The following NFATC2 variants were observed in gnomAD, a reference collection of about 807,000 sequenced individuals.
The protein encoded by NFATC2 is nuclear factor of activated T-cells, cytoplasmic 2.
In NFATC2, 22 loss-of-function variants were observed where a neutral mutation model predicts 87.3. That is an observed-to-expected ratio of 0.25 (90% CI 0.18 to 0.36). NFATC2 has a LOEUF of 0.36. Among genes scored for constraint, NFATC2 ranks in the 10% least tolerant of loss-of-function variants. The probability of loss-of-function intolerance (pLI) is 1.00; values close to 1 mark genes in which losing one functional copy is unlikely to be tolerated. For missense variants in NFATC2, 1,149 were observed against 1,259.1 expected (o/e 0.91, Z 1.32); for synonymous variants, 565 against 542.2 (o/e 1.04, Z -0.58).
At position 51,389,698 on chromosome 20, in the gene NFATC2, CCGAAT is replaced by C. The variant is rs1161086846; in HGVS notation, c.*1793_*1797del. On this transcript the variant is annotated 3_prime_UTR_variant, in exon 11 of 11. Transcript: ENST00000371564. ...ACAGGTTGCATACAAGTGCACAGGC[CCGAAT>C]CTGAGCATTTTGCCTTCTATCTGGA... The C allele has an allele frequency of 6.6e-6, 1 of 152,050 alleles. No homozygotes were observed. Among genetic ancestry groups the C allele is most frequent in the African/African-American group, 2.4e-5 (1 of 41,378 alleles). 9.4% of individuals were successfully genotyped at this position (152,050 alleles called of 1,614,324 possible). A position where few individuals can be genotyped will look rare whatever the true frequency, so the allele number is the denominator to read the frequency against.
At chr20:51,429,669 G>C (rs1276961768) in intron 9 of NFATC2, among the ~76,000 whole-genome samples, 3 of 152,206 alleles carry the variant, frequency 2.0e-5, no homozygotes, top group Non-Finnish European at 4.4e-5. Context: ...CCGCATTTTA[G>C]AGACTTATAA....
chr20:51,526,255 A>T (rs1042133098), intron 1 of NFATC2, among the ~76,000 whole-genome samples: 1 of 152,036 alleles, frequency 6.6e-6, no homozygotes. Context: ...CATGGGCCAA[A>T]TGCGGCCCAT....
chr20:51,442,707 G>T (rs4809843), intron 6 of NFATC2, among the ~76,000 whole-genome samples: 46,595 of 139,594 alleles, frequency 0.33, 7,551 homozygotes, highest in East Asian at 0.42. Context: ...AATAAAGTTT[G>T]TTTTTTTTTT....
chr20:51,396,561 G>C (rs1452481050), intron 10 of NFATC2, among the ~76,000 whole-genome samples: 1 of 152,130 alleles, frequency 6.6e-6, no homozygotes, highest in Non-Finnish European at 1.5e-5. Context: ...GACCACGTGA[G>C]TGCCCACGAG....
At chr20:51,475,743 T>C in intron 3 of NFATC2, 83 bp from the exon 4 acceptor site, 1 of 1,342,206 alleles carries the variant, frequency 7.5e-7, no homozygotes, top group Non-Finnish European at 1.0e-6. Context: ...AGAGAGCTCA[T>C]GGGCAGTAGA....
chr20:51,528,171 C>T (rs569841496), intron 1 of NFATC2, among the ~76,000 whole-genome samples: 6 of 151,572 alleles, frequency 4.0e-5, no homozygotes, highest in African/African-American at 1.2e-4. Context: ...TTCATTACTA[C>T]AACCCTGACT....
At chr20:51,476,114 A>C (rs1405196708) in intron 3 of NFATC2, among the ~76,000 whole-genome samples, 1 of 149,292 alleles carries the variant, frequency 6.7e-6, no homozygotes, top group African/African-American at 2.5e-5. Flanking sequence ...TTTAGGGTAC[A>C]TGTGCACAAC....
intron 9 of NFATC2, among the ~76,000 whole-genome samples, chr20:51,406,579 C>A (rs1407515320): frequency 2.6e-5 from 4 of 152,198 alleles, no homozygotes; most frequent in Non-Finnish European, 4.4e-5. Flanking sequence ...ACTGGAGGCG[C>A]CCCGGCTTGC....
At position 51,432,479 on chromosome 20, in the gene NFATC2, G is replaced by A. The variant is rs755262057; in HGVS notation, c.2310C>T (p.Leu770=). 5.1e-6 allele frequency: 8 copies of A among 1,554,384 alleles called. No individual in the cohort carries two copies. The highest frequency in any genetic ancestry group is 1.2e-5 in the South Asian group (1 of 82,200). Residue 770 remains leucine, a synonymous_variant, in exon 9 of 11, where the codon CTC becomes CTT. Coordinates refer to ENST00000371564, the MANE Select transcript of NFATC2 (RefSeq NM_012340.5). The surrounding 1 kb of genome is among the most constrained non-coding windows in gnomAD (Gnocchi z 4.6). ...PSLLGYQQPA[L]MAAPLSLADA... ...CCGCAAGGGACAGCGGGGCGGCCAT[G>A]AGGGCCGGCTGCTGATAGCCCAGCA...
At chr20:51,420,093 T>G (rs368707481) in intron 9 of NFATC2, among the ~76,000 whole-genome samples, 68 of 152,028 alleles carry the variant, frequency 4.5e-4, no homozygotes, top group African/African-American at 1.6e-3. Context: ...CCCATTATTT[T>G]AAAAACTGGT....
intron 10 of NFATC2, among the ~76,000 whole-genome samples, chr20:51,396,399 T>A (rs189625361): frequency 1.3e-5 from 2 of 152,228 alleles, no homozygotes; most frequent in East Asian, 3.9e-4. Flanking sequence ...TTTAAAGGAC[T>A]TTCAAGGGTG....
chr20:51,561,463 G>GAA (rs1568765722), intron 1 of NFATC2, among the ~76,000 whole-genome samples: 40 of 131,790 alleles, frequency 3.0e-4, no homozygotes, highest in African/African-American at 1.0e-3. Flanking sequence ...AAGAAAGAAA[G>GAA]AAAGAAAGAA....
At chr20:51,554,006 T>C (rs1231653948) in intron 1 of NFATC2, among the ~76,000 whole-genome samples, 9 of 152,114 alleles carry the variant, frequency 5.9e-5, no homozygotes, top group African/African-American at 2.2e-4. Flanking sequence ...TGCCATATTC[T>C]TTGCAGACTC....
intron 3 of NFATC2, among the ~76,000 whole-genome samples, chr20:51,509,284 A>G (rs1426279906): frequency 1.5e-5 from 2 of 135,776 alleles, no homozygotes; most frequent in African/African-American, 2.8e-5. Flanking sequence ...ACTATTTAAA[A>G]TTTTCCTATT....
chr20:51,508,581 C>T lies in NFATC2; in HGVS notation c.1332+8203G>A, dbSNP rs189032197. ...CTCAGAACCCCCACATCACACACCC[C>T]GCTCTGCTACTCCCCACCCCATCCC... On this transcript the variant is annotated intron_variant, in intron 3 of 10. Transcript: ENST00000371564. Among the ~76,000 whole-genome samples, 182 of 152,214 alleles carry T rather than the reference C, an allele frequency of 1.2e-3. 2 individuals are homozygous for T. The highest frequency in any genetic ancestry group is 4.2e-3 in the African/African-American group (174 of 41,524).
At chr20:51,526,778 G>A (rs2076552417) in intron 1 of NFATC2, among the ~76,000 whole-genome samples, 1 of 152,148 alleles carries the variant, frequency 6.6e-6, no homozygotes, top group African/African-American at 2.4e-5. Context: ...GCTCCCCACA[G>A]CTCTTAGGTA....
chr20:51,555,496 A>G (rs1028308629), intron 1 of NFATC2, among the ~76,000 whole-genome samples: 3 of 151,962 alleles, frequency 2.0e-5, no homozygotes, highest in South Asian at 2.1e-4. Context: ...GGGAGGCTGA[A>G]GCAGGAAAAT....
In NFATC2 at chr20:51,457,685, G is replaced by T. The variant is rs146131129; in HGVS notation, c.1709-2997C>A. Among the ~76,000 whole-genome samples, 449 of 138,776 alleles carry T rather than the reference G, an allele frequency of 3.2e-3. 1 individual carries two copies. The highest frequency in any genetic ancestry group is 0.011 in the African/African-American group (431 of 37,840). 91.0% of individuals were successfully genotyped at this position (138,776 alleles called of 152,430 possible). On this transcript the variant is annotated intron_variant, in intron 5 of 10. Coordinates refer to ENST00000371564, the MANE Select transcript of NFATC2 (RefSeq NM_012340.5). ...ACTACAACTCCAAGTGCAGGCCAGG[G>T]GCCTTGGCATCACTGGAGAGCTTGT...
intron 3 of NFATC2, among the ~76,000 whole-genome samples, chr20:51,482,219 G>C (rs1281812447): frequency 6.6e-6 from 1 of 151,266 alleles, no homozygotes; most frequent in Non-Finnish European, 1.5e-5. Context: ...TGGCCTCCAC[G>C]TGTCAAAGAC....
Sources: gnomAD v4.1 joint callset for allele counts (sites outside exome capture counted in the v4.1 genomes callset) on GRCh38, gnomAD v4.1.1 for gene constraint, Gnocchi (gnomAD v3.1) non-coding constraint, MANE v1.5 for transcripts, NCBI Gene and HGNC (gene_info 2026-07-23, HGNC 2026-07-21) for gene names.